THADA: variants seen among roughly 807,000 people sequenced by gnomAD.
THADA encodes the protein tRNA (32-2'-O)-methyltransferase regulator THADA.
Under a neutral mutation model 219.8 loss-of-function variants are expected in THADA, and 213 were observed. The ratio of observed to expected loss-of-function variants is 0.97; its 90% confidence interval spans 0.87 to 1.09. The LOEUF is 1.09. Ranked by LOEUF, THADA falls within the 50% of genes least tolerant of loss-of-function variation. The probability of loss-of-function intolerance (pLI) is 0.00; values close to 1 mark genes in which losing one functional copy is unlikely to be tolerated. For missense variants in THADA, 2,956 were observed against 2,311.3 expected (o/e 1.28, Z -5.72); for synonymous variants, 1,018 against 828.9 (o/e 1.23, Z -3.92).
At chr2:43,382,178 C>T (rs910462901) in intron 29 of THADA, among the ~76,000 whole-genome samples, 1 of 152,054 alleles carries the variant, frequency 6.6e-6, no homozygotes, top group African/African-American at 2.4e-5. Context: ...TGGATGGGAT[C>T]CTGGAACAGA....
chr2:43,412,694 C>T (rs1676443065), intron 28 of THADA, among the ~76,000 whole-genome samples: 1 of 152,150 alleles, frequency 6.6e-6, no homozygotes, highest in African/African-American at 2.4e-5. Flanking sequence ...TTTTAAAAGA[C>T]ACACCTTCCA....
At chr2:43,539,858 C>T (rs1695081073) in intron 21 of THADA, among the ~76,000 whole-genome samples, 1 of 151,850 alleles carries the variant, frequency 6.6e-6, no homozygotes, top group Non-Finnish European at 1.5e-5. Context: ...TTTAACACGG[C>T]TGTCGCACAC....
chr2:43,327,879 T>C (rs1679519890), intron 30 of THADA, among the ~76,000 whole-genome samples: 1 of 152,206 alleles, frequency 6.6e-6, no homozygotes, highest in African/African-American at 2.4e-5. Flanking sequence ...ACCCAGGATA[T>C]TTTGTTGAGC....
chr2:43,255,430 C>G (rs574286492), intron 36 of THADA, among the ~76,000 whole-genome samples: 2 of 152,316 alleles, frequency 1.3e-5, no homozygotes, highest in Non-Finnish European at 2.9e-5. Flanking sequence ...AGGCTTTGAT[C>G]CTGTTCCTGC....
chr2:43,571,645 T>A, intron 13 of THADA, 62 bp downstream of exon 13: 1 of 1,543,924 alleles, frequency 6.5e-7, no homozygotes, highest in South Asian at 1.2e-5. Context: ...TGGGCTCTTT[T>A]TAAAAACGAT....
chr2:43,486,344 T>G (rs901187217), intron 25 of THADA: 3 of 152,106 alleles, frequency 2.0e-5, no homozygotes, highest in African/African-American at 7.2e-5. Flanking sequence ...TCAAGATGCT[T>G]TGGAAGAGCA....
intron 18 of THADA, 135 bp from the exon 19 acceptor site, chr2:43,552,060 C>A: frequency 6.5e-7 from 1 of 1,527,752 alleles, no homozygotes; most frequent in Non-Finnish European, 8.8e-7. Flanking sequence ...AAAATATACA[C>A]AGATACGTAT....
chr2:43,231,029 T>C lies in THADA; in HGVS notation c.5781A>G (p.Glu1927=). The change falls in exon 38 of 38, where the codon GAA becomes GAG. Residue 1927 remains glutamate (E), a synonymous_variant. Transcript: ENST00000405975. ...LLAFLEGKEG[E]DTLVLSVWDS... ...CCCAAACACTGAGAACTAGGGTGTCTTCCCCTTCCTTTCCTTCCAAAAAGG... is the reference window on the plus strand; with the variant it reads ...CCCAAACACTGAGAACTAGGGTGTCCTCCCCTTCCTTTCCTTCCAAAAAGG... 6.2e-7 allele frequency: 1 copy of C among 1,613,988 alleles called. No individual in the cohort carries two copies. Among genetic ancestry groups the C allele is most frequent in the Non-Finnish European group, 8.5e-7 (1 of 1,179,886 alleles).
chr2:43,384,744 T>C (rs76675804), intron 29 of THADA, among the ~76,000 whole-genome samples: 10,709 of 152,168 alleles, frequency 0.07, 440 homozygotes, highest in Non-Finnish European at 0.098. Flanking sequence ...GGCGGGAGAA[T>C]TGCTTCAGCC....
intron 26 of THADA, among the ~76,000 whole-genome samples, chr2:43,479,857 G>C (rs952401595): frequency 1.3e-5 from 2 of 152,160 alleles, no homozygotes; most frequent in Admixed American, 1.3e-4. Context: ...CATCCTTATT[G>C]TCTTTTACCG....
intron 26 of THADA, among the ~76,000 whole-genome samples, chr2:43,484,686 G>C (rs1012129037): frequency 6.6e-6 from 1 of 151,890 alleles, no homozygotes; most frequent in Non-Finnish European, 1.5e-5. Context: ...GTTTTTTAAA[G>C]ACAAAAACAA....
chr2:43,494,585 T>C (rs1253840555), intron 25 of THADA, among the ~76,000 whole-genome samples: 8 of 152,216 alleles, frequency 5.3e-5, no homozygotes, highest in African/African-American at 1.4e-4. Context: ...TTTCTTCATC[T>C]GTAAAATGAG....
At chr2:43,418,215 A>ACT (rs1187819826) in intron 28 of THADA, among the ~76,000 whole-genome samples, 1 of 151,860 alleles carries the variant, frequency 6.6e-6, no homozygotes, top group Non-Finnish European at 1.5e-5. Flanking sequence ...TATTATGTCT[A>ACT]CTCTCTCTGG....
At chr2:43,521,032 TGAAGGGAAG>T (rs568404434) in intron 22 of THADA, among the ~76,000 whole-genome samples, 634 of 58,122 alleles carry the variant, frequency 0.011, 11 homozygotes, top group African/African-American at 0.04. Context: ...AGGGAAGGAA[TGAAGGGAAG>T]GAAGGGAAGG....
At chr2:43,262,928 G>A (rs1170250879) in intron 36 of THADA, among the ~76,000 whole-genome samples, 2 of 152,116 alleles carry the variant, frequency 1.3e-5, no homozygotes, top group East Asian at 1.9e-4. Flanking sequence ...TGAGACTGGC[G>A]TCCCCTCCCC....
intron 26 of THADA, among the ~76,000 whole-genome samples, chr2:43,481,024 A>T (rs1363138683): frequency 2.6e-5 from 4 of 152,218 alleles, no homozygotes; most frequent in African/African-American, 9.6e-5. Context: ...TGAGAATTCA[A>T]TTCTTTCCCA....
chr2:43,281,851 G>A (rs1352494487), intron 35 of THADA, among the ~76,000 whole-genome samples: 1 of 149,778 alleles, frequency 6.7e-6, no homozygotes, highest in Admixed American at 6.6e-5. Context: ...CACACTGCAG[G>A]CTCGACCTCC....
intron 10 of THADA, among the ~76,000 whole-genome samples, chr2:43,575,976 G>C (rs1699815261): frequency 6.6e-6 from 1 of 152,090 alleles, no homozygotes; most frequent in Admixed American, 6.5e-5. Context: ...ATGTTGATAA[G>C]GATCACTTTA....
At chr2:43,362,286 A>T (rs1669615647) in intron 29 of THADA, among the ~76,000 whole-genome samples, 2 of 152,208 alleles carry the variant, frequency 1.3e-5, no homozygotes, top group African/African-American at 2.4e-5. Flanking sequence ...TTCAAAGGGT[A>T]TGAATTATGG....
Sources: allele counts gnomAD v4.1 joint callset (sites outside exome capture counted in the v4.1 genomes callset), GRCh38; gene constraint gnomAD v4.1.1; transcripts MANE v1.5; gene names NCBI Gene and HGNC (gene_info 2026-07-23, HGNC 2026-07-21).